The following FAT3 variants were observed in gnomAD, a reference collection of about 807,000 sequenced individuals.
FAT3 encodes the protein protocadherin Fat 3.
FAT3 carries 95 observed loss-of-function variants against 310.2 expected under a neutral mutation model. The observed-to-expected ratio is 0.31, with a 90% confidence interval of 0.26 to 0.36. The LOEUF is 0.36. Ranked by LOEUF, FAT3 falls within the 10% of genes least tolerant of loss-of-function variation. The pLI is 1.00. For synonymous variants in FAT3, 2,314 were observed against 2,192.9 expected, an observed-to-expected ratio of 1.06 and a Z score of -1.54; for missense variants, 5,408 against 5,715.6, an observed-to-expected ratio of 0.95 and a Z score of 1.74.
intron 3 of FAT3, among the ~76,000 whole-genome samples, chr11:92,563,945 A>T (rs1310838088): frequency 6.6e-6 from 1 of 152,152 alleles, no homozygotes. Flanking sequence ...CCAAAATGTA[A>T]AGACCATCGA....
intron 1 of FAT3, among the ~76,000 whole-genome samples, chr11:92,340,301 T>C (rs1026494966): frequency 6.6e-6 from 1 of 152,016 alleles, no homozygotes; most frequent in Non-Finnish European, 1.5e-5. Flanking sequence ...ATGGAGGGGA[T>C]GAGAGTGGAG....
chr11:92,762,869 G>A (rs1279708628), intron 5 of FAT3, among the ~76,000 whole-genome samples: 1 of 151,944 alleles, frequency 6.6e-6, no homozygotes, highest in Non-Finnish European at 1.5e-5. Flanking sequence ...CATGGTCCAG[G>A]GTCCCAACAA....
At chr11:92,867,323 C>T (rs926701369) in intron 22 of FAT3, 114 bp downstream of exon 22, 7 of 1,085,468 alleles carry the variant, frequency 6.4e-6, no homozygotes, top group Admixed American at 5.7e-5. Flanking sequence ...GGAGTATTCA[C>T]ACCCAAGATG....
intron 2 of FAT3, among the ~76,000 whole-genome samples, chr11:92,503,379 G>A (rs1158131946): frequency 6.6e-6 from 1 of 152,100 alleles, no homozygotes; most frequent in Non-Finnish European, 1.5e-5. Context: ...ACTGTGCTAA[G>A]CAGTTTACAT....
intron 2 of FAT3, among the ~76,000 whole-genome samples, chr11:92,442,201 C>A (rs574927791): frequency 2.2e-5 from 3 of 136,616 alleles, no homozygotes; most frequent in African/African-American, 8.1e-5. Context: ...ACAAGCTCTG[C>A]CTTCTGGGTT....
intron 2 of FAT3, among the ~76,000 whole-genome samples, chr11:92,430,029 T>C (rs1344592631): frequency 1.3e-5 from 2 of 152,244 alleles, no homozygotes; most frequent in Non-Finnish European, 2.9e-5. Flanking sequence ...AAGGTAGGTT[T>C]GGTCTTTTCA....
chr11:92,840,746 T>C lies in FAT3; in HGVS notation c.10553T>C (p.Val3518Ala). Residue 3518 changes from valine (V) to alanine (A), a missense_variant, in exon 18 of 28, where the codon GTG becomes GCG. This residue lies in a region of FAT3 where 4,588 missense variants were observed against 4,809.8 expected (regional missense o/e 0.95). Transcript: ENST00000525166. ...CAGCACACAGAGTCTCTGGAATACG[T>C]GTTGTGTGTCCAGGTATGGCATCGC... ...VFQHTESLEY[V>A]LCVQAKDSGK... The C allele has an allele frequency of 6.3e-7, 1 of 1,585,458 alleles. No individual in the cohort carries two copies. Among genetic ancestry groups the C allele is most frequent in the Non-Finnish European group, 8.6e-7 (1 of 1,157,216 alleles).
chr11:92,384,929 G>T (rs1467012326), intron 2 of FAT3, among the ~76,000 whole-genome samples: 5 of 152,160 alleles, frequency 3.3e-5, no homozygotes, highest in Admixed American at 6.5e-5. Context: ...GGATGGGAAG[G>T]CTGGGTTTCT....
At chr11:92,673,370 T>C (rs984254350) in intron 3 of FAT3, among the ~76,000 whole-genome samples, 1 of 152,214 alleles carries the variant, frequency 6.6e-6, no homozygotes, top group African/African-American at 2.4e-5. Context: ...AACGAAACTC[T>C]ATTGCATATT....
chr11:92,662,706 G>A (rs757878534), intron 3 of FAT3, among the ~76,000 whole-genome samples: 23 of 152,302 alleles, frequency 1.5e-4, no homozygotes, highest in Non-Finnish European at 1.2e-4. Context: ...TAGAGAAGCC[G>A]GATGAACACC....
chr11:92,293,317 G>A (rs1946749065), intron 1 of FAT3, among the ~76,000 whole-genome samples: 1 of 151,508 alleles, frequency 6.6e-6, no homozygotes, highest in Non-Finnish European at 1.5e-5. Flanking sequence ...TTTCACTTGT[G>A]AGATTACCAG....
At chr11:92,779,178 C>T (rs1946674583) in intron 7 of FAT3, among the ~76,000 whole-genome samples, 1 of 151,904 alleles carries the variant, frequency 6.6e-6, no homozygotes, top group Non-Finnish European at 1.5e-5. Flanking sequence ...AAACAGAGAC[C>T]CATAAGGAGC....
At chr11:92,665,124 A>T (rs979413430) in intron 3 of FAT3, among the ~76,000 whole-genome samples, 2 of 152,164 alleles carry the variant, frequency 1.3e-5, no homozygotes, top group African/African-American at 4.8e-5. Flanking sequence ...AAATCATTTT[A>T]ATATTGTAAG....
intron 1 of FAT3, among the ~76,000 whole-genome samples, chr11:92,292,260 T>C (rs939853352): frequency 6.6e-6 from 1 of 152,094 alleles, no homozygotes; most frequent in African/African-American, 2.4e-5. Flanking sequence ...TTAGCATAAG[T>C]ATGTGACTAC....
chr11:92,689,271 GT>G (rs1345319814), intron 3 of FAT3, among the ~76,000 whole-genome samples: 3 of 152,080 alleles, frequency 2.0e-5, no homozygotes, highest in Admixed American at 1.3e-4. Flanking sequence ...CATCTATATA[GT>G]GGAATTTAGA....
rs750133681 is a variant in FAT3, at chr11:92,805,204, A to C, written c.8948A>C (p.Lys2983Thr). 1.2e-6 allele frequency: 2 copies of C among 1,613,802 alleles called. No homozygotes were observed. The highest frequency in any genetic ancestry group is 1.7e-5 in the Admixed American group (1 of 60,016). Residue 2983 changes from lysine (K) to threonine (T), a missense_variant, in exon 11 of 28, where the codon AAG becomes ACG. Coordinates refer to ENST00000525166, the MANE Select transcript of FAT3 (RefSeq NM_001367949.2). ...FALGLVQSEW[K>T]VYVKRPLDRE... Reference sequence around the variant, plus strand: ...CTGGGCCTGGTGCAAAGTGAGTGGAAGGTCTATGTGAAGAGGCCTCTAGAC... The same window carrying C: ...CTGGGCCTGGTGCAAAGTGAGTGGACGGTCTATGTGAAGAGGCCTCTAGAC...
intron 2 of FAT3, among the ~76,000 whole-genome samples, chr11:92,420,588 T>TG (rs549540805): frequency 2.7e-4 from 41 of 152,214 alleles, no homozygotes; most frequent in African/African-American, 7.0e-4. Flanking sequence ...AACTCCTTGA[T>TG]GGGGGGGTTA....
chr11:92,816,488 C>T, intron 13 of FAT3, among the ~76,000 whole-genome samples: 1 of 152,162 alleles, frequency 6.6e-6, no homozygotes, highest in Non-Finnish European at 1.5e-5. Context: ...TCAGGCTGGC[C>T]CACCTGCACA....
intron 3 of FAT3, among the ~76,000 whole-genome samples, chr11:92,595,990 C>T (rs182002519): frequency 2.6e-5 from 4 of 152,030 alleles, no homozygotes; most frequent in South Asian, 2.1e-4. Flanking sequence ...GAGTATGGCT[C>T]GTACAAGTTT....
Sources: gnomAD v4.1 joint callset for allele counts (sites outside exome capture counted in the v4.1 genomes callset) on GRCh38, gnomAD v4.1.1 for gene constraint, gnomAD v4.1.1 regional missense constraint, MANE v1.5 for transcripts, NCBI Gene and HGNC (gene_info 2026-07-23, HGNC 2026-07-21) for gene names.